TBCD: variants seen among roughly 807,000 people sequenced by gnomAD.
TBCD encodes the protein tubulin-specific chaperone D.
A neutral mutation model predicts 169.3 loss-of-function variants in TBCD; 105 were observed. The observed-to-expected ratio is 0.62, with a 90% confidence interval of 0.53 to 0.73. The LOEUF is 0.73. TBCD is among the 30% of genes least tolerant of loss of function. The probability of loss-of-function intolerance (pLI) is 0.00; values close to 1 mark genes in which losing one functional copy is unlikely to be tolerated. For missense variants in TBCD, 1,444 were observed against 1,600.1 expected, an observed-to-expected ratio of 0.90 and a Z score of 1.66; for synonymous variants, 700 against 643.9, an observed-to-expected ratio of 1.09 and a Z score of -1.32.
At chr17:82,828,178 C>A (rs1373235125) in intron 13 of TBCD, among the ~76,000 whole-genome samples, 1 of 140,752 alleles carries the variant, frequency 7.1e-6, no homozygotes, top group Non-Finnish European at 1.5e-5. Flanking sequence ...CCCGTACAAT[C>A]GAATGCACAC....
chr17:82,900,354 T>A (rs1174806492), intron 17 of TBCD, among the ~76,000 whole-genome samples: 1 of 152,212 alleles, frequency 6.6e-6, no homozygotes, highest in Non-Finnish European at 1.5e-5. Context: ...TGTGTGTTGT[T>A]GCTGAGTATT....
chr17:82,861,806 G>A lies in TBCD; in HGVS notation c.1319-8418G>A, dbSNP rs1168706719. Among the ~76,000 whole-genome samples, 6 of 152,284 alleles carry A rather than the reference G, an allele frequency of 3.9e-5. No individual in the cohort carries two copies. In the East Asian group the frequency reaches 9.6e-4, roughly 24 times the overall value. ...GGGAATTTTAATAGGGAATTTTCTA[G>A]TAAATGGTTCTGTTAGTATTACAGC... On this transcript the variant is annotated intron_variant, in intron 13 of 38. Coordinates refer to ENST00000355528, the MANE Select transcript of TBCD (RefSeq NM_005993.5).
intron 13 of TBCD, among the ~76,000 whole-genome samples, chr17:82,869,156 T>C (rs2057387873): frequency 6.6e-6 from 1 of 152,232 alleles, no homozygotes; most frequent in Admixed American, 6.5e-5. Context: ...TTCATAGCTG[T>C]GTTCCGTTTT....
At chr17:82,937,134 C>G (rs2062699348) in intron 34 of TBCD, 137 bp from the exon 35 acceptor site, 1 of 699,694 alleles carries the variant, frequency 1.4e-6, no homozygotes, top group African/African-American at 1.8e-5. Context: ...GACTTGCTGG[C>G]AGAGGGGCCT....
chr17:82,822,736 C>T (rs2052515280), intron 13 of TBCD, among the ~76,000 whole-genome samples: 1 of 152,204 alleles, frequency 6.6e-6, no homozygotes, highest in Non-Finnish European at 1.5e-5. Flanking sequence ...AAATACGCTG[C>T]ATGTAGGATT....
chr17:82,891,878 C>T (rs910257382), intron 16 of TBCD, among the ~76,000 whole-genome samples: 2 of 152,120 alleles, frequency 1.3e-5, no homozygotes, highest in Admixed American at 1.3e-4. Context: ...AGCCCAGGGG[C>T]TCTTGAGCAG....
chr17:82,796,846 C>T (rs1470120153), intron 7 of TBCD, among the ~76,000 whole-genome samples: 1 of 152,178 alleles, frequency 6.6e-6, no homozygotes, highest in Non-Finnish European at 1.5e-5. Context: ...ATAAAAGACA[C>T]CAGTATTTAG....
chr17:82,942,372 G>C (rs575602009), intron 38 of TBCD, 77 bp from the exon 39 acceptor site: 6 of 1,606,204 alleles, frequency 3.7e-6, no homozygotes, highest in Admixed American at 1.7e-5. Flanking sequence ...ACAGGGCCCA[G>C]AGGGGTGAGG....
At chr17:82,850,006 C>CTGTGCTGT (rs1567886807) in intron 13 of TBCD, among the ~76,000 whole-genome samples, 11 of 101,252 alleles carry the variant, frequency 1.1e-4, no homozygotes, top group African/African-American at 3.6e-4. Context: ...GGCTGTGCTG[C>CTGTGCTGT]TGTTGGCTGT....
intron 7 of TBCD, among the ~76,000 whole-genome samples, chr17:82,790,388 C>G (rs7212130): frequency 0.1 from 15,943 of 152,154 alleles, 2,275 homozygotes; most frequent in African/African-American, 0.32. Context: ...CTGGGTAAAG[C>G]GTGGCCTCGG....
chr17:82,916,241 T>C (rs184377376), intron 23 of TBCD, among the ~76,000 whole-genome samples: 2 of 152,116 alleles, frequency 1.3e-5, no homozygotes, highest in African/African-American at 4.8e-5. Context: ...AATGGCTTTT[T>C]CCACTTTTTT....
intron 23 of TBCD, among the ~76,000 whole-genome samples, chr17:82,918,060 G>A (rs1472621971): frequency 6.6e-6 from 1 of 152,210 alleles, no homozygotes; most frequent in Non-Finnish European, 1.5e-5. Flanking sequence ...TAGACTTACA[G>A]GAAGTTATGA....
chr17:82,910,490 C>A (rs1020864325), intron 22 of TBCD, among the ~76,000 whole-genome samples: 1 of 152,174 alleles, frequency 6.6e-6, no homozygotes, highest in Non-Finnish European at 1.5e-5. Flanking sequence ...TTCATATATT[C>A]CAGATGCCAG....
Position 82,923,763 on chromosome 17 carries a change from C to T in TBCD, c.2260+30C>T, listed in dbSNP as rs1354724132. On this transcript the variant is annotated intron_variant, in intron 26 of 38. Coordinates refer to ENST00000355528, the MANE Select transcript of TBCD (RefSeq NM_005993.5). This position sits in a 1 kb window ranked among gnomAD's most constrained non-coding sequence, Gnocchi z 4.6. The stretch of plus-strand genomic sequence containing the variant: ...GTGGGGAGCCCTTTTCTTGAAGACT[C>T]CAGGGGCTTCCAGCAGGAAGCTGCT... 1 of 1,547,092 alleles carries T rather than the reference C, an allele frequency of 6.5e-7. No homozygotes were observed. Among genetic ancestry groups the T allele is most frequent in the Non-Finnish European group, 8.8e-7 (1 of 1,142,782 alleles).
At chr17:82,785,760 G>A (rs2049271581) in intron 7 of TBCD, among the ~76,000 whole-genome samples, 1 of 145,460 alleles carries the variant, frequency 6.9e-6, no homozygotes, top group Non-Finnish European at 1.5e-5. Flanking sequence ...GGTCCATGCT[G>A]TGTGACTGGG....
chr17:82,870,559 C>G lies in TBCD; in HGVS notation c.1475+179C>G, dbSNP rs2057484727. Among the ~76,000 whole-genome samples, 8 of 152,324 alleles carry G rather than the reference C, an allele frequency of 5.3e-5. No homozygotes were observed. The South Asian group carries it at 1.7e-3, about 32-fold the overall frequency. On this transcript the variant is annotated intron_variant, in intron 14 of 38. Coordinates refer to ENST00000355528, the MANE Select transcript of TBCD (RefSeq NM_005993.5). ...AGCTCCTTTTCTGTGGGTGAGCAAC[C>G]AGAGCAGAAGTGTGTGGAGGAACAT... is the stretch of plus-strand genomic sequence containing the variant.
intron 17 of TBCD, among the ~76,000 whole-genome samples, chr17:82,897,656 C>A (rs939262): frequency 6.6e-6 from 1 of 152,076 alleles, no homozygotes; most frequent in East Asian, 1.9e-4. Flanking sequence ...TGAATGACCA[C>A]CACTGTGGTC....
intron 13 of TBCD, among the ~76,000 whole-genome samples, chr17:82,865,314 G>GGATGGCTGTGTGTGCTGGT (rs2057088802): frequency 6.6e-6 from 1 of 152,234 alleles, no homozygotes; most frequent in African/African-American, 2.4e-5. Flanking sequence ...ACGGCCACGC[G>GGATGGCTGTGTGTGCTGGT]GCTCTCGGGA....
rs2053703394 is a variant in TBCD at position 82,833,609 on chromosome 17, G to C, written c.1318+18675G>C. 6.6e-6 allele frequency among the ~76,000 whole-genome samples: 1 copy of C among 152,318 alleles called. No individual in the cohort carries two copies. Among genetic ancestry groups the C allele is most frequent in the African/African-American group, 2.4e-5 (1 of 41,566 alleles). The stretch of plus-strand genomic sequence containing the variant: ...CGGTCACCCGGTTCCTGCTGGCCAG[G>C]AGGCATGGCCAGCAGCGCCTGCCCG... On this transcript the variant is annotated intron_variant, in intron 13 of 38. Transcript: ENST00000355528. This position sits in a 1 kb window ranked among gnomAD's most constrained non-coding sequence, Gnocchi z 4.7.
Sources: allele counts gnomAD v4.1 joint callset (sites outside exome capture counted in the v4.1 genomes callset), GRCh38; gene constraint gnomAD v4.1.1; non-coding constraint Gnocchi (gnomAD v3.1); transcripts MANE v1.5; gene names NCBI Gene and HGNC (gene_info 2026-07-23, HGNC 2026-07-21).